Variants in DDB1 observed in about 807,000 individuals in gnomAD.
DDB1 encodes the protein DNA damage-binding protein 1.
Under a neutral mutation model 133.1 loss-of-function variants are expected in DDB1, and 18 were observed. The observed-to-expected ratio is 0.14, with a 90% confidence interval of 0.09 to 0.20. The LOEUF is 0.20. Ranked by LOEUF, DDB1 falls within the 10% of genes least tolerant of loss-of-function variation. DDB1 has a pLI of 1.00. For synonymous variants in DDB1, 580 were observed against 550.5 expected, an observed-to-expected ratio of 1.05 and a Z score of -0.75; for missense variants, 828 against 1,459.2, an observed-to-expected ratio of 0.57 and a Z score of 7.05.
At chr11:61,318,802 A>T (rs1856131315) in intron 10 of DDB1, among the ~76,000 whole-genome samples, 1 of 152,150 alleles carries the variant, frequency 6.6e-6, no homozygotes, top group Non-Finnish European at 1.5e-5. Flanking sequence ...TAAGTTTTTC[A>T]ACCATTTAGA....
intron 10 of DDB1, among the ~76,000 whole-genome samples, chr11:61,317,030 T>A (rs1856097644): frequency 8.0e-6 from 1 of 125,422 alleles, no homozygotes; most frequent in Non-Finnish European, 1.7e-5. Flanking sequence ...CTGGAAGGGC[T>A]GGAACATGGA....
Position 61,322,170 on chromosome 11 carries a change from C to T in DDB1, c.1122+126G>A, listed in dbSNP as rs998087612. On this transcript the variant is annotated intron_variant, in intron 9 of 26. Transcript: ENST00000301764. ...ATAAACAGTAGTTATCCTTATATCA[C>T]TGGGATTCATGAGGGGGCTCTTAAA... is the stretch of plus-strand genomic sequence containing the variant. 5.0e-5 allele frequency: 39 copies of T among 774,252 alleles called. No individual in the cohort carries two copies. In the Admixed American group the frequency reaches 7.7e-4, roughly 15 times the overall value. 48.0% of individuals were successfully genotyped at this position (774,252 alleles called of 1,614,324 possible). A position where few individuals can be genotyped will look rare whatever the true frequency, so the allele number is the denominator to read the frequency against.
intron 17 of DDB1, 26 bp downstream of exon 17, chr11:61,311,963 T>A (rs768468919): frequency 6.2e-7 from 1 of 1,613,854 alleles, no homozygotes; most frequent in East Asian, 2.2e-5. Flanking sequence ...AACCCCCACT[T>A]CCCACTCTCC....
intron 4 of DDB1, among the ~76,000 whole-genome samples, chr11:61,328,087 G>C (rs1249819878): frequency 6.6e-6 from 1 of 152,182 alleles, no homozygotes; most frequent in Non-Finnish European, 1.5e-5. Context: ...CAGCCCTGAA[G>C]CTTAGAACAA....
chr11:61,332,084 T>C (rs1856388702), intron 1 of DDB1: 1 of 167,666 alleles, frequency 6.0e-6, no homozygotes, highest in African/African-American at 2.4e-5. Context: ...CTCACAAAAC[T>C]TTTATCTGAC....
chr11:61,330,859 T>C (rs191675612), intron 2 of DDB1, among the ~76,000 whole-genome samples: 35 of 152,316 alleles, frequency 2.3e-4, no homozygotes, highest in East Asian at 2.1e-3. Context: ...TTTCACCATG[T>C]TGGCCAGGCT....
chr11:61,331,406 C>G, intron 2 of DDB1, 137 bp downstream of exon 2: 2 of 1,195,274 alleles, frequency 1.7e-6, no homozygotes, highest in Non-Finnish European at 2.3e-6. Context: ...ATTGCTTGAG[C>G]TCAGGAGTTC....
chr11:61,306,925 T>C (rs898781862), intron 21 of DDB1, among the ~76,000 whole-genome samples: 1 of 152,232 alleles, frequency 6.6e-6, no homozygotes, highest in Non-Finnish European at 1.5e-5. Flanking sequence ...CTCACTCTTC[T>C]GGTCCTAAAA....
intron 15 of DDB1, 38 bp downstream of exon 15, chr11:61,313,824 T>C (rs749636475): frequency 3.1e-6 from 5 of 1,609,806 alleles, no homozygotes; most frequent in Middle Eastern, 1.6e-4. Context: ...TAATACTCTA[T>C]TTTTGAAAGA....
rs755514377 is a variant in DDB1, at chr11:61,305,012, G to A, written c.2662-977C>T. Among the ~76,000 whole-genome samples the A allele has an allele frequency of 1.2e-4, 18 of 152,236 alleles. No homozygotes were observed. In the East Asian group the frequency reaches 2.1e-3, roughly 18 times the overall value. The stretch of plus-strand genomic sequence containing the variant: ...AGACAAATGGAGAGCTACTTGGCAC[G>A]GCCCAGTGCTAAAGAAGACAGACTC... On this transcript the variant is annotated intron_variant, in intron 21 of 26. Coordinates refer to ENST00000301764, the MANE Select transcript of DDB1 (RefSeq NM_001923.5).
At chr11:61,313,432 G>T in intron 16 of DDB1, 67 bp downstream of exon 16, 1 of 1,425,178 alleles carries the variant, frequency 7.0e-7, no homozygotes, top group Non-Finnish European at 9.8e-7. Context: ...TTGAGGTAAG[G>T]GTTTGAGGAA....
intron 1 of DDB1, chr11:61,332,370 C>G (rs1856398976): frequency 6.5e-6 from 1 of 153,246 alleles, no homozygotes; most frequent in Non-Finnish European, 1.5e-5. Context: ...CAAGGCAAAC[C>G]CAGCACTGGG....
chr11:61,317,019 A>G (rs1198292016), intron 10 of DDB1, among the ~76,000 whole-genome samples: 2 of 116,628 alleles, frequency 1.7e-5, no homozygotes, highest in Non-Finnish European at 3.7e-5. Flanking sequence ...GCCTGACACC[A>G]CTGGAAGGGC....
Position 61,331,563 on chromosome 11 carries a change from T to G in DDB1, c.190A>C (p.Met64Leu), listed in dbSNP as rs557806013. ...CTTACCTTGGGCCTGAAAAGCTCCA[T>G]GACCGCAATCTTCCCATACATGCCC... ...EVGMYGKIAVMELFRPKGESK... is the reference protein window; with the variant it reads ...EVGMYGKIAVLELFRPKGESK... The change falls in exon 2 of 27, where the codon ATG (methionine) becomes CTG (leucine). Residue 64 changes from methionine (M) to leucine (L), a missense_variant. Met to Leu is a conservative substitution (Grantham distance 15, BLOSUM62 2). Coordinates refer to ENST00000301764, the MANE Select transcript of DDB1 (RefSeq NM_001923.5). The G allele has an allele frequency of 6.2e-7, 1 of 1,614,188 alleles. No individual in the cohort carries two copies.
At chr11:61,310,036 G>A in intron 19 of DDB1, 76 bp from the exon 20 acceptor site, 1 of 1,592,122 alleles carries the variant, frequency 6.3e-7, no homozygotes, top group South Asian at 1.1e-5. Context: ...TATTTCTGAG[G>A]CCTGTGGCTT....
chr11:61,305,257 C>A (rs1855865975), intron 21 of DDB1, among the ~76,000 whole-genome samples: 1 of 152,206 alleles, frequency 6.6e-6, no homozygotes, highest in Admixed American at 6.5e-5. Context: ...GCCTGTAATC[C>A]CAGCATTTTG....
At chr11:61,307,693 A>G (rs906842401) in intron 21 of DDB1, among the ~76,000 whole-genome samples, 3 of 151,978 alleles carry the variant, frequency 2.0e-5, no homozygotes, top group Admixed American at 2.0e-4. Flanking sequence ...TACCTCTCTC[A>G]TTGTTATCTA....
In DDB1 at chr11:61,326,573, G is replaced by T. The variant is rs55912900; in HGVS notation, c.664+206C>A. The stretch of plus-strand genomic sequence containing the variant: ...AAGTAAAAGACAAGTTATACTTTTG[G>T]GGGGAGAAGTGAAAAACAGAAAATC... On this transcript the variant is annotated intron_variant, in intron 5 of 26. Transcript: ENST00000301764. 4.6e-4 allele frequency among the ~76,000 whole-genome samples: 70 copies of T among 152,144 alleles called. No homozygotes were observed. In the South Asian group the frequency reaches 7.7e-3, roughly 17 times the overall value.
intron 1 of DDB1, chr11:61,332,589 G>GA: frequency 3.4e-6 from 1 of 292,582 alleles, no homozygotes; most frequent in Non-Finnish European, 6.3e-6. Flanking sequence ...CCTGGCCACA[G>GA]AAAGCCAATC....
Sources: allele counts gnomAD v4.1 joint callset (sites outside exome capture counted in the v4.1 genomes callset), GRCh38; gene constraint gnomAD v4.1.1; transcripts MANE v1.5; gene names NCBI Gene and HGNC (gene_info 2026-07-23, HGNC 2026-07-21).